Variants in LPP observed in about 807,000 individuals in gnomAD.
LPP encodes the protein LIM domain containing preferred translocation partner in lipoma, also known as lipoma-preferred partner.
A neutral mutation model predicts 60.4 loss-of-function variants in LPP; 38 were observed. The observed-to-expected ratio is 0.63, with a 90% CI of 0.49 to 0.83. The LOEUF (loss-of-function observed/expected upper bound fraction) is 0.83, where lower values mean the gene tolerates loss of function less well. Among genes scored for constraint, LPP ranks in the 40% least tolerant of loss-of-function variants. LPP has a pLI of 0.00. For synonymous variants in LPP, 328 were observed against 290.8 expected (o/e 1.13, Z -1.30); for missense variants, 902 against 783.6 (o/e 1.15, Z -1.80).
chr3:188,484,824 G>A lies in LPP; in HGVS notation c.306+120G>A, dbSNP rs1805862473. 3 of 719,466 alleles carry A rather than the reference G, an allele frequency of 4.2e-6. No homozygotes were observed. The African/African-American group carries it at 5.3e-5, about 13-fold the overall frequency. 44.6% of individuals were successfully genotyped at this position (719,466 alleles called of 1,614,324 possible). A position where few individuals can be genotyped will look rare whatever the true frequency, so the allele number is the denominator to read the frequency against. The stretch of plus-strand genomic sequence containing the variant: ...TCTGTGCTGGATAAACATTTATCCA[G>A]AGCCTATTGAGAGCTTTACAACTTA... On this transcript the variant is annotated intron_variant, in intron 5 of 11. Transcript: ENST00000617246.
chr3:188,273,691 G>T (rs929943306), intron 2 of LPP, among the ~76,000 whole-genome samples: 1 of 148,772 alleles, frequency 6.7e-6, no homozygotes, highest in Admixed American at 6.8e-5. Flanking sequence ...CACCTCCTGG[G>T]TTCAAGCGAT....
intron 1 of LPP, among the ~76,000 whole-genome samples, chr3:188,205,473 G>T (rs1171552630): frequency 1.3e-5 from 2 of 151,800 alleles, no homozygotes; most frequent in Non-Finnish European, 2.9e-5. Flanking sequence ...GTAGAGACGG[G>T]GTTTCACCGT....
intron 3 of LPP, among the ~76,000 whole-genome samples, chr3:188,375,382 A>G (rs1774708715): frequency 6.6e-6 from 1 of 152,202 alleles, no homozygotes; most frequent in Admixed American, 6.5e-5. Flanking sequence ...CCTCAATTTC[A>G]GAGCCTGTTA....
At chr3:188,269,225 C>T (rs1392497974) in intron 2 of LPP, among the ~76,000 whole-genome samples, 1 of 152,212 alleles carries the variant, frequency 6.6e-6, no homozygotes, top group African/African-American at 2.4e-5. Context: ...GTTCCTTCTA[C>T]TTCCTTTTTC....
chr3:188,288,286 T>C (rs371207325), intron 2 of LPP, among the ~76,000 whole-genome samples: 9 of 152,208 alleles, frequency 5.9e-5, no homozygotes, highest in East Asian at 1.9e-4. Flanking sequence ...AAAAAGTTGC[T>C]CTCCTTGGCA....
intron 7 of LPP, among the ~76,000 whole-genome samples, chr3:188,620,805 G>A (rs924280277): frequency 3.3e-5 from 5 of 152,060 alleles, no homozygotes; most frequent in Admixed American, 6.5e-5. Context: ...ACCTCCCACC[G>A]CATTTGATTT....
At chr3:188,356,107 C>G (rs1324144387) in intron 3 of LPP, among the ~76,000 whole-genome samples, 2 of 152,086 alleles carry the variant, frequency 1.3e-5, no homozygotes, top group Middle Eastern at 3.2e-3. Context: ...TTTGTTTCTC[C>G]AAAGTTTCCC....
At chr3:188,190,847 T>TA (rs1727962376) in intron 1 of LPP, among the ~76,000 whole-genome samples, 1 of 152,240 alleles carries the variant, frequency 6.6e-6, no homozygotes, top group Non-Finnish European at 1.5e-5. Context: ...CCATCATTGT[T>TA]AAAATGAAGG....
Position 188,785,547 on chromosome 3 carries a change from T to TATATATATATATATATATACACAC in LPP, c.1410+25266_1410+25267insTATATATATATATATATACACACA, listed in dbSNP as rs1206082559. On this transcript the variant is annotated intron_variant, in intron 9 of 11. Coordinates refer to ENST00000617246, the MANE Select transcript of LPP (RefSeq NM_001375462.1). Reference sequence around the variant, plus strand: ...ATATATATTCCATCATATATATATATACACACACACACACACACACACACA... The same window carrying TATATATATATATATATATACACAC: ...ATATATATTCCATCATATATATATATATATATATATATATATATACACACACACACACACACACACACACACACA... Among the ~76,000 whole-genome samples, 17 of 43,840 alleles carry TATATATATATATATATATACACAC rather than the reference T, an allele frequency of 3.9e-4. 1 individual carries two copies. Among genetic ancestry groups the TATATATATATATATATATACACAC allele is most frequent in the Admixed American group, 9.5e-4 (3 of 3,174 alleles). 28.8% of individuals were successfully genotyped at this position (43,840 alleles called of 152,430 possible).
chr3:188,394,551 A>AGTGTGTGTGTGTGTGTGTGTGTGT (rs1209092729), intron 3 of LPP, among the ~76,000 whole-genome samples: 1 of 146,882 alleles, frequency 6.8e-6, no homozygotes, highest in African/African-American at 2.5e-5. Flanking sequence ...AAATATCTAA[A>AGTGTGTGTGTGTGTGTGTGTGTGT]GTGTGTGTGT....
intron 6 of LPP, among the ~76,000 whole-genome samples, chr3:188,604,224 C>G (rs527300179): frequency 7.9e-5 from 12 of 152,102 alleles, no homozygotes; most frequent in African/African-American, 2.9e-4. Context: ...AGTAGACTTT[C>G]AATAAATTTC....
intron 3 of LPP, among the ~76,000 whole-genome samples, chr3:188,363,392 AGAGT>A (rs1770107244): frequency 6.6e-6 from 1 of 152,216 alleles, no homozygotes; most frequent in Non-Finnish European, 1.5e-5. Context: ...CTCTCAGCAA[AGAGT>A]GAGTTCCAAT....
chr3:188,242,210 T>C (rs2149478399), intron 2 of LPP, among the ~76,000 whole-genome samples: 1 of 152,334 alleles, frequency 6.6e-6, no homozygotes, highest in African/African-American at 2.4e-5. Flanking sequence ...GGTTATTTTT[T>C]AGCATGGCTA....
intron 9 of LPP, among the ~76,000 whole-genome samples, chr3:188,787,980 G>A (rs1490641326): frequency 6.6e-6 from 1 of 152,188 alleles, no homozygotes; most frequent in African/African-American, 2.4e-5. Context: ...AACCCAAGGT[G>A]TTCCCTTTTA....
At chr3:188,763,364 T>C (rs558195829) in intron 9 of LPP, among the ~76,000 whole-genome samples, 1 of 152,266 alleles carries the variant, frequency 6.6e-6, no homozygotes, top group African/African-American at 2.4e-5. Flanking sequence ...ACCAGTCTAA[T>C]GTAAATTAAA....
At chr3:188,223,815 A>G (rs1360186373) in intron 1 of LPP, among the ~76,000 whole-genome samples, 2 of 152,122 alleles carry the variant, frequency 1.3e-5, no homozygotes, top group Non-Finnish European at 2.9e-5. Flanking sequence ...ATGAAATTGC[A>G]TTGTTCACAG....
chr3:188,539,689 GAAT>G (rs1824612435), intron 6 of LPP, among the ~76,000 whole-genome samples: 1 of 152,102 alleles, frequency 6.6e-6, no homozygotes, highest in Admixed American at 6.5e-5. Flanking sequence ...GGACCACAAG[GAAT>G]AATAAGTGTG....
intron 4 of LPP, among the ~76,000 whole-genome samples, chr3:188,443,388 C>T (rs1307549959): frequency 1.3e-5 from 2 of 152,174 alleles, no homozygotes; most frequent in African/African-American, 4.8e-5. Flanking sequence ...GCCTTCATCA[C>T]GTGAAGGCTC....
chr3:188,423,262 C>G (rs1181594107), intron 4 of LPP, among the ~76,000 whole-genome samples: 1 of 152,122 alleles, frequency 6.6e-6, no homozygotes, highest in Non-Finnish European at 1.5e-5. Flanking sequence ...ATCCATGTCC[C>G]TGCAAAGGAC....
Sources: allele counts gnomAD v4.1 joint callset (sites outside exome capture counted in the v4.1 genomes callset), GRCh38; gene constraint gnomAD v4.1.1; transcripts MANE v1.5; gene names NCBI Gene and HGNC (gene_info 2026-07-23, HGNC 2026-07-21).